The following CAMTA1 variants were observed in gnomAD, a reference collection of about 807,000 sequenced individuals.
The protein encoded by CAMTA1 is calmodulin binding transcription activator 1, also known as calmodulin-binding transcription activator 1.
CAMTA1 carries 27 observed loss-of-function variants against 170.9 expected under a neutral mutation model. The observed-to-expected ratio is 0.16, with a 90% CI of 0.12 to 0.22. The LOEUF (loss-of-function observed/expected upper bound fraction) is 0.22, where lower values mean the gene tolerates loss of function less well. CAMTA1 is among the 10% of genes least tolerant of loss of function. CAMTA1 has a pLI of 1.00. For synonymous variants in CAMTA1, 833 were observed against 891.5 expected, an observed-to-expected ratio of 0.93 and a Z score of 1.17; for missense variants, 1,619 against 2,217.2, an observed-to-expected ratio of 0.73 and a Z score of 5.42.
chr1:7,239,020 A>G (rs1235129480), intron 4 of CAMTA1, among the ~76,000 whole-genome samples: 1 of 152,196 alleles, frequency 6.6e-6, no homozygotes, highest in Non-Finnish European at 1.5e-5. Flanking sequence ...AGTGCCCGCT[A>G]TTTGGTAAGC....
intron 3 of CAMTA1, among the ~76,000 whole-genome samples, chr1:6,844,047 A>T (rs1570797139): frequency 1.3e-5 from 2 of 152,216 alleles, no homozygotes; most frequent in East Asian, 3.8e-4. Flanking sequence ...TTCTTGACAG[A>T]CTGTATAGCT....
At chr1:6,803,760 G>C (rs1193888430) in intron 1 of CAMTA1, among the ~76,000 whole-genome samples, 1 of 152,154 alleles carries the variant, frequency 6.6e-6, no homozygotes, top group African/African-American at 2.4e-5. Flanking sequence ...TGTCATCCAG[G>C]CTGGAGTGCA....
At chr1:7,076,101 C>T (rs1639269450) in intron 3 of CAMTA1, among the ~76,000 whole-genome samples, 1 of 152,168 alleles carries the variant, frequency 6.6e-6, no homozygotes, top group African/African-American at 2.4e-5. Flanking sequence ...ATTAGTGGAA[C>T]TTTAAAGATG....
At chr1:6,967,435 C>T (rs938237715) in intron 3 of CAMTA1, among the ~76,000 whole-genome samples, 1 of 152,076 alleles carries the variant, frequency 6.6e-6, no homozygotes, top group African/African-American at 2.4e-5. Context: ...TCCCCACCCG[C>T]GAATGTGGCC....
chr1:7,604,994 G>T (rs773284293), intron 6 of CAMTA1, among the ~76,000 whole-genome samples: 1 of 152,136 alleles, frequency 6.6e-6, no homozygotes, highest in African/African-American at 2.4e-5. Context: ...ACAGAACAGC[G>T]GATATTGGTG....
chr1:7,386,130 C>T (rs376218112), intron 5 of CAMTA1, among the ~76,000 whole-genome samples: 45 of 152,344 alleles, frequency 3.0e-4, no homozygotes, highest in African/African-American at 1.1e-3. Context: ...AGCCCCAGCC[C>T]GCTGGAAGGC....
At chr1:7,297,736 C>T (rs1028102073) in intron 5 of CAMTA1, among the ~76,000 whole-genome samples, 31 of 152,222 alleles carry the variant, frequency 2.0e-4, no homozygotes, top group South Asian at 6.2e-4. Flanking sequence ...TGTGCCCCAT[C>T]GTCCTGCATA....
At position 7,634,195 on chromosome 1, in the gene CAMTA1, G is replaced by T. The variant is rs543452879; in HGVS notation, c.511-6205G>T. On this transcript the variant is annotated intron_variant, in intron 6 of 22. Coordinates refer to ENST00000303635, the MANE Select transcript of CAMTA1 (RefSeq NM_015215.4). This position sits in a 1 kb window ranked among gnomAD's most constrained non-coding sequence, Gnocchi z 6.2. The stretch of plus-strand genomic sequence containing the variant: ...GGGAGGAGGGCACACTCCCACGTGC[G>T]CAGGAGAGCAGGTGGAGGATCAGAC... Among the ~76,000 whole-genome samples the T allele has an allele frequency of 2.6e-5, 4 of 152,326 alleles. No homozygotes were observed. The East Asian group carries it at 5.8e-4, about 22-fold the overall frequency.
intron 4 of CAMTA1, among the ~76,000 whole-genome samples, chr1:7,162,096 G>C (rs1404269953): frequency 1.3e-5 from 2 of 152,176 alleles, no homozygotes; most frequent in Non-Finnish European, 2.9e-5. Flanking sequence ...GGGCAGGGGC[G>C]TTTCTTGATG....
intron 4 of CAMTA1, among the ~76,000 whole-genome samples, chr1:7,185,574 C>T (rs1230504517): frequency 6.6e-6 from 1 of 152,182 alleles, no homozygotes; most frequent in Non-Finnish European, 1.5e-5. Context: ...CCACAAAGTT[C>T]TTACTAATTT....
intron 3 of CAMTA1, among the ~76,000 whole-genome samples, chr1:6,968,753 C>T (rs888240493): frequency 4.9e-5 from 7 of 143,224 alleles, no homozygotes; most frequent in Admixed American, 1.4e-4. Flanking sequence ...CAAAAGGAGA[C>T]GGATAGAGAG....
intron 5 of CAMTA1, among the ~76,000 whole-genome samples, chr1:7,263,471 A>G (rs1010031261): frequency 1.3e-5 from 2 of 152,246 alleles, no homozygotes; most frequent in Non-Finnish European, 2.9e-5. Flanking sequence ...ACAAACCAGA[A>G]TGCAGAACAT....
At chr1:7,283,467 T>C (rs1427727809) in intron 5 of CAMTA1, among the ~76,000 whole-genome samples, 1 of 152,204 alleles carries the variant, frequency 6.6e-6, no homozygotes, top group Non-Finnish European at 1.5e-5. Context: ...GCTCTATTTC[T>C]GTCCCAGTCC....
At chr1:7,563,965 G>A (rs2094998343) in intron 6 of CAMTA1, among the ~76,000 whole-genome samples, 1 of 152,172 alleles carries the variant, frequency 6.6e-6, no homozygotes, top group Non-Finnish European at 1.5e-5. Flanking sequence ...GAGGGGCTGG[G>A]TGGGGGGTAG....
At chr1:7,475,616 C>A (rs966076819) in intron 6 of CAMTA1, among the ~76,000 whole-genome samples, 1 of 152,156 alleles carries the variant, frequency 6.6e-6, no homozygotes, top group East Asian at 1.9e-4. Flanking sequence ...CGAGGTGCCC[C>A]TATACACGCT....
intron 3 of CAMTA1, among the ~76,000 whole-genome samples, chr1:6,909,622 G>T (rs1365199000): frequency 6.6e-6 from 1 of 152,226 alleles, no homozygotes; most frequent in Non-Finnish European, 1.5e-5. Context: ...GAGGGCTCTG[G>T]TCTCCTAAGG....
At chr1:7,739,619 T>C (rs1007895578) in intron 16 of CAMTA1, among the ~76,000 whole-genome samples, 3 of 152,158 alleles carry the variant, frequency 2.0e-5, no homozygotes, top group Admixed American at 1.3e-4. Context: ...TCACATCTTA[T>C]ATGGTGGCAG....
intron 22 of CAMTA1, among the ~76,000 whole-genome samples, chr1:7,757,103 A>G (rs2096937025): frequency 6.6e-6 from 1 of 152,210 alleles, no homozygotes; most frequent in Non-Finnish European, 1.5e-5. Context: ...AGTTCAAAAA[A>G]TCTTAAAACT....
Position 7,588,690 on chromosome 1 carries a change from C to T in CAMTA1, c.511-51710C>T, listed in dbSNP as rs1477722994. ...GGCCACGACTGGGCTCCTGGCAGCA[C>T]GGCCAGATGGACCTCTGCTCTCTGC... On this transcript the variant is annotated intron_variant, in intron 6 of 22. Coordinates refer to ENST00000303635, the MANE Select transcript of CAMTA1 (RefSeq NM_015215.4). This position sits in a 1 kb window ranked among gnomAD's most constrained non-coding sequence, Gnocchi z 5.8. 2.6e-5 allele frequency among the ~76,000 whole-genome samples: 4 copies of T among 152,204 alleles called. No homozygotes were observed. The highest frequency in any genetic ancestry group is 1.9e-4 in the East Asian group (1 of 5,178).
Sources: allele counts gnomAD v4.1 joint callset (sites outside exome capture counted in the v4.1 genomes callset), GRCh38; gene constraint gnomAD v4.1.1; non-coding constraint Gnocchi (gnomAD v3.1); transcripts MANE v1.5; gene names NCBI Gene and HGNC (gene_info 2026-07-23, HGNC 2026-07-21).